Variants in PTPRD observed in about 807,000 individuals in gnomAD.
The protein encoded by PTPRD is receptor-type tyrosine-protein phosphatase delta.
Under a neutral mutation model 214.5 loss-of-function variants are expected in PTPRD, and 34 were observed. That is an observed-to-expected ratio of 0.16 (90% CI 0.12 to 0.21). The LOEUF is 0.21. PTPRD is among the 10% of genes least tolerant of loss of function. PTPRD has a pLI of 1.00. For synonymous variants in PTPRD, 1,128 were observed against 845.7 expected, an observed-to-expected ratio of 1.33 and a Z score of -5.79; for missense variants, 2,545 against 2,398.7, an observed-to-expected ratio of 1.06 and a Z score of -1.27.
At chr9:9,030,151 C>T (rs1327020772) in intron 10 of PTPRD, among the ~76,000 whole-genome samples, 1 of 151,606 alleles carries the variant, frequency 6.6e-6, no homozygotes. Context: ...ATGTAGATGA[C>T]ATTTTATTAT....
intron 11 of PTPRD, among the ~76,000 whole-genome samples, chr9:8,883,416 G>C (rs949015786): frequency 1.3e-5 from 2 of 152,156 alleles, no homozygotes; most frequent in African/African-American, 4.8e-5. Flanking sequence ...GTTCTCCTTA[G>C]ACATTCATTG....
At chr9:10,311,983 C>T (rs890579632) in intron 3 of PTPRD, among the ~76,000 whole-genome samples, 15 of 151,790 alleles carry the variant, frequency 9.9e-5, no homozygotes, top group African/African-American at 3.1e-4. Flanking sequence ...ACATCTGGTT[C>T]TGCCAGTTAA....
At chr9:9,762,976 T>G (rs1425406973) in intron 6 of PTPRD, among the ~76,000 whole-genome samples, 1 of 152,202 alleles carries the variant, frequency 6.6e-6, no homozygotes, top group African/African-American at 2.4e-5. Context: ...TCTTGGCTTG[T>G]TGGTGGTTGC....
At chr9:9,247,991 T>G (rs1433933839) in intron 9 of PTPRD, among the ~76,000 whole-genome samples, 1 of 152,102 alleles carries the variant, frequency 6.6e-6, no homozygotes, top group Non-Finnish European at 1.5e-5. Flanking sequence ...GAATCTGTGT[T>G]CATGATTCTC....
intron 6 of PTPRD, among the ~76,000 whole-genome samples, chr9:9,766,107 C>G (rs1421326543): frequency 2.0e-5 from 3 of 152,164 alleles, no homozygotes; most frequent in Non-Finnish European, 4.4e-5. Context: ...AATCTTAGTT[C>G]CCTTACTCAG....
intron 11 of PTPRD, among the ~76,000 whole-genome samples, chr9:8,858,588 G>C (rs998006381): frequency 3.3e-5 from 5 of 152,156 alleles, no homozygotes; most frequent in Non-Finnish European, 7.4e-5. Context: ...ACGTGCTGGG[G>C]ATCCCACGGA....
chr9:9,145,968 G>A (rs895711694), intron 10 of PTPRD, among the ~76,000 whole-genome samples: 2 of 152,184 alleles, frequency 1.3e-5, no homozygotes, highest in South Asian at 4.1e-4. Flanking sequence ...CCTTCATGAA[G>A]AACGGGAAAC....
At chr9:9,938,254 T>C (rs968544471) in intron 5 of PTPRD, among the ~76,000 whole-genome samples, 10 of 152,196 alleles carry the variant, frequency 6.6e-5, no homozygotes, top group African/African-American at 2.4e-4. Context: ...ATTTTGATCC[T>C]CAGTTCAGAA....
At chr9:9,192,501 T>G (rs867910950) in intron 9 of PTPRD, among the ~76,000 whole-genome samples, 1 of 152,146 alleles carries the variant, frequency 6.6e-6, no homozygotes, top group South Asian at 2.1e-4. Context: ...AACAGAAATT[T>G]CTAATGAATA....
At chr9:8,449,160 TC>T (rs1325831689) in intron 34 of PTPRD, among the ~76,000 whole-genome samples, 1 of 152,212 alleles carries the variant, frequency 6.6e-6, no homozygotes, top group Non-Finnish European at 1.5e-5. Context: ...TTATCCTCAG[TC>T]ACTTTATGTT....
chr9:10,486,449 A>C (rs1589252274), intron 2 of PTPRD, among the ~76,000 whole-genome samples: 1 of 152,096 alleles, frequency 6.6e-6, no homozygotes, highest in East Asian at 1.9e-4. Flanking sequence ...TTCTCTCCCC[A>C]TTGCTTGTTT....
intron 2 of PTPRD, among the ~76,000 whole-genome samples, chr9:10,606,336 C>A (rs10809133): frequency 2.6e-5 from 4 of 151,654 alleles, no homozygotes; most frequent in South Asian, 2.1e-4. Flanking sequence ...CCATTCTCTA[C>A]CCCCTCCATC....
At chr9:9,054,466 T>C (rs1191568801) in intron 10 of PTPRD, among the ~76,000 whole-genome samples, 1 of 152,142 alleles carries the variant, frequency 6.6e-6, no homozygotes. Flanking sequence ...CGTTTACCAG[T>C]AATATTTATG....
At chr9:9,146,594 G>A (rs565238618) in intron 10 of PTPRD, among the ~76,000 whole-genome samples, 2 of 152,138 alleles carry the variant, frequency 1.3e-5, no homozygotes, top group South Asian at 4.1e-4. Context: ...TTCACAGCTC[G>A]AAGGGACCTT....
intron 14 of PTPRD, among the ~76,000 whole-genome samples, chr9:8,589,795 G>C (rs1350315254): frequency 6.6e-6 from 1 of 152,154 alleles, no homozygotes; most frequent in Non-Finnish European, 1.5e-5. Flanking sequence ...TCTGATTCCT[G>C]AACTGTGCCT....
In PTPRD at chr9:8,449,712, T is replaced by C. The variant is rs745784010; in HGVS notation, c.3988+13A>G. On this transcript the variant is annotated intron_variant, in intron 34 of 45. Transcript: ENST00000381196. ...AAAGACTGTGTGTGGATTAGATGTGTGATGCTTCTTACCCGGTGTTTGAAA... is the reference window on the plus strand; with the variant it reads ...AAAGACTGTGTGTGGATTAGATGTGCGATGCTTCTTACCCGGTGTTTGAAA... 1.9e-5 allele frequency: 31 copies of C among 1,610,738 alleles called. No individual in the cohort carries two copies. In the South Asian group the frequency reaches 2.5e-4, roughly 13 times the overall value.
chr9:8,570,619 TG>T (rs945164105), intron 14 of PTPRD, among the ~76,000 whole-genome samples: 1 of 152,146 alleles, frequency 6.6e-6, no homozygotes, highest in Non-Finnish European at 1.5e-5. Context: ...TCAACTTGCA[TG>T]GTTGTGGCTA....
intron 11 of PTPRD, among the ~76,000 whole-genome samples, chr9:8,953,425 T>A (rs7848109): frequency 1.3e-5 from 2 of 151,828 alleles, no homozygotes; most frequent in Non-Finnish European, 1.5e-5. Flanking sequence ...AATACCCTTC[T>A]TGATATCAGC....
intron 3 of PTPRD, among the ~76,000 whole-genome samples, chr9:10,131,021 G>T (rs1380795375): frequency 1.3e-5 from 2 of 152,136 alleles, no homozygotes; most frequent in Non-Finnish European, 2.9e-5. Context: ...GATAAAAGAA[G>T]TATAAGGTGA....
Sources: gnomAD v4.1 joint callset for allele counts (sites outside exome capture counted in the v4.1 genomes callset) on GRCh38, gnomAD v4.1.1 for gene constraint, MANE v1.5 for transcripts, NCBI Gene and HGNC (gene_info 2026-07-23, HGNC 2026-07-21) for gene names.